MAPK8IP1: variants seen among roughly 807,000 people sequenced by gnomAD.
MAPK8IP1 encodes the protein mitogen-activated protein kinase 8 interacting protein 1, also known as C-Jun-amino-terminal kinase-interacting protein 1.
In MAPK8IP1, 17 loss-of-function variants were observed where a neutral mutation model predicts 72.6. The ratio of observed to expected loss-of-function variants is 0.23; its 90% CI spans 0.16 to 0.35. The LOEUF (loss-of-function observed/expected upper bound fraction) is 0.35, where lower values mean the gene tolerates loss of function less well. MAPK8IP1 is among the 10% of genes least tolerant of loss of function. The probability of loss-of-function intolerance (pLI) is 1.00; values close to 1 mark genes in which losing one functional copy is unlikely to be tolerated. For missense variants in MAPK8IP1, 789 were observed against 1,009.7 expected (o/e 0.78, Z 2.96); for synonymous variants, 401 against 443.4 (o/e 0.90, Z 1.20).
chr11:45,899,979 G>T (rs1311511121), intron 2 of MAPK8IP1, among the ~76,000 whole-genome samples, 159 bp from the exon 3 acceptor site: 9 of 152,088 alleles, frequency 5.9e-5, no homozygotes, highest in Non-Finnish European at 5.9e-5. Context: ...CTTCCTCGCG[G>T]CGGACGGGCG....
rs768214729 is a variant in MAPK8IP1 at position 45,902,835 on chromosome 11, G to A, written c.1068G>A (p.Leu356=). Residue 356 remains leucine (L), a synonymous_variant, in exon 5 of 12, where the codon CTG becomes CTA. Transcript: ENST00000241014. The surrounding 1 kb of genome is among the most constrained non-coding windows in gnomAD (Gnocchi z 9.3). ...CAGGCGGAGGGTGGCGGGGGAGCCTGGGGGAGCCGCCGCCACCTCCACGGG... is the reference window on the plus strand; with the variant it reads ...CAGGCGGAGGGTGGCGGGGGAGCCTAGGGGAGCCGCCGCCACCTCCACGGG... ...EPPGGGWRGS[L]GEPPPPPRAS... 3.8e-6 allele frequency: 6 copies of A among 1,582,312 alleles called. No individual in the cohort carries two copies. In the South Asian group the frequency reaches 6.8e-5, roughly 18 times the overall value.
chr11:45,886,046 G>T (rs1024517495), intron 1 of MAPK8IP1, 125 bp downstream of exon 1: 3 of 545,440 alleles, frequency 5.5e-6, no homozygotes, highest in African/African-American at 4.0e-5. Context: ...TGGGAGTGGG[G>T]TCTCTTCCCG....
rs972218108 is a variant in MAPK8IP1, at chr11:45,902,623, G to A, written c.856G>A (p.Val286Met). The A allele has an allele frequency of 1.2e-6, 2 of 1,612,954 alleles. No homozygotes were observed. Among genetic ancestry groups the A allele is most frequent in the Non-Finnish European group, 1.7e-6 (2 of 1,179,942 alleles). ...EATEEIYLTP[V>M]QRPPDAAEPT... ...CACTGAGGAGATCTACCTGACCCCA[G>A]TGCAGAGGCCCCCAGACGCTGCAGA... The change falls in exon 5 of 12, where the codon GTG (valine) becomes ATG (methionine). Residue 286 changes from valine to methionine, a missense_variant. Val to Met is a conservative substitution (Grantham distance 21). Around this residue, in one of 4 missense-constraint regions of MAPK8IP1, gnomAD observed 377 missense variants for 411.7 expected, o/e 0.92. Transcript: ENST00000241014. The surrounding 1 kb of genome is among the most constrained non-coding windows in gnomAD (Gnocchi z 9.3).
Position 45,900,166 on chromosome 11 carries a change from G to T in MAPK8IP1, c.236G>T (p.Gly79Val). The T allele has an allele frequency of 1.5e-6, 2 of 1,308,266 alleles. No homozygotes were observed. The highest frequency in any genetic ancestry group is 3.2e-5 in the East Asian group (1 of 30,840). 81.0% of individuals were successfully genotyped at this position (1,308,266 alleles called of 1,614,324 possible). A position where few individuals can be genotyped will look rare whatever the true frequency, so the allele number is the denominator to read the frequency against. Reference protein sequence around the residue: ...RPPRAGLLSAGGGGAGSRLQA... With the variant: ...RPPRAGLLSAVGGGAGSRLQA... Reference sequence around the variant, plus strand: ...CCGCGCGCCGGGCTGCTCTCTGCGGGCGGCGGCGGCGCGGGGAGCCGGTTG... The same window carrying T: ...CCGCGCGCCGGGCTGCTCTCTGCGGTCGGCGGCGGCGCGGGGAGCCGGTTG... The change falls in exon 3 of 12, where the codon GGC becomes GTC. Residue 79 changes from glycine (G) to valine (V), a missense_variant. Around this residue, in one of 4 missense-constraint regions of MAPK8IP1, gnomAD observed 112 missense variants for 111.8 expected, o/e 1.00. Transcript: ENST00000241014. The surrounding 1 kb of genome is among the most constrained non-coding windows in gnomAD (Gnocchi z 6.5).
intron 1 of MAPK8IP1, among the ~76,000 whole-genome samples, chr11:45,892,158 C>T (rs2086572128): frequency 6.6e-6 from 1 of 152,170 alleles, no homozygotes; most frequent in African/African-American, 2.4e-5. Flanking sequence ...CCAGCCCAAC[C>T]CCATGTTCAC....
Position 45,900,028 on chromosome 11 carries a change from C to G in MAPK8IP1, c.208-110C>G. 1 of 691,668 alleles carries G rather than the reference C, an allele frequency of 1.4e-6. No individual in the cohort carries two copies. Among genetic ancestry groups the G allele is most frequent in the Non-Finnish European group, 1.9e-6 (1 of 526,050 alleles). 42.8% of individuals were successfully genotyped at this position (691,668 alleles called of 1,614,324 possible). On this transcript the variant is annotated intron_variant, in intron 2 of 11. Coordinates refer to ENST00000241014, the MANE Select transcript of MAPK8IP1 (RefSeq NM_005456.4). This position sits in a 1 kb window ranked among gnomAD's most constrained non-coding sequence, Gnocchi z 6.5. Reference sequence around the variant, plus strand: ...CTCCGGCGGCCCCTGCTCGGCTCCCCTCGTGCCCCCTTCGCGCCACAGAAT... The same window carrying G: ...CTCCGGCGGCCCCTGCTCGGCTCCCGTCGTGCCCCCTTCGCGCCACAGAAT...
At chr11:45,887,175 G>A (rs2086533485) in intron 1 of MAPK8IP1, among the ~76,000 whole-genome samples, 1 of 152,190 alleles carries the variant, frequency 6.6e-6, no homozygotes, top group African/African-American at 2.4e-5. Flanking sequence ...TGCAGTGGAA[G>A]CACATGGGGC....
In MAPK8IP1 at chr11:45,903,872, G is replaced by C; in HGVS notation, c.1494-117G>C. ...GGTTAGTACTGCAACAGGCACACAG[G>C]ATGCTTTTGCAAATGTTTACTGAAA... is the stretch of plus-strand genomic sequence containing the variant. On this transcript the variant is annotated intron_variant, in intron 6 of 11. Transcript: ENST00000241014. The surrounding 1 kb of genome is among the most constrained non-coding windows in gnomAD (Gnocchi z 6.4). 1 of 951,432 alleles carries C rather than the reference G, an allele frequency of 1.1e-6. No individual in the cohort carries two copies. The highest frequency in any genetic ancestry group is 1.7e-6 in the Non-Finnish European group (1 of 590,580). 58.9% of individuals were successfully genotyped at this position (951,432 alleles called of 1,614,324 possible). A position where few individuals can be genotyped will look rare whatever the true frequency, so the allele number is the denominator to read the frequency against.
rs2086681675 is a variant in MAPK8IP1, at chr11:45,904,064, C to G, written c.1569C>G (p.Asp523Glu). ...DPLLVELQAE[D>E]YWYEAYNMRT... is the part of the protein sequence containing the mutation. The stretch of plus-strand genomic sequence containing the variant: ...TGCTAGTGGAGCTCCAGGCTGAAGA[C>G]TACTGGTACGAGGCCTACAACATGC... Residue 523 changes from aspartate to glutamate, a missense_variant, in exon 7 of 12, where the codon GAC becomes GAG. Physicochemically the swap from Asp to Glu is conservative, Grantham distance 45. Around this residue, in one of 4 missense-constraint regions of MAPK8IP1, gnomAD observed 188 missense variants for 293.3 expected, o/e 0.64. Coordinates refer to ENST00000241014, the MANE Select transcript of MAPK8IP1 (RefSeq NM_005456.4). The surrounding 1 kb of genome is among the most constrained non-coding windows in gnomAD (Gnocchi z 6.4). The G allele has an allele frequency of 6.2e-7, 1 of 1,614,052 alleles. No individual in the cohort carries two copies. The highest frequency in any genetic ancestry group is 2.2e-5 in the East Asian group (1 of 44,882).
chr11:45,898,317 G>C (rs950064279), intron 2 of MAPK8IP1, 127 bp downstream of exon 2: 10 of 670,678 alleles, frequency 1.5e-5, no homozygotes, highest in African/African-American at 1.4e-4. Context: ...ATGAAATGAT[G>C]TGCAAGAAAC....
chr11:45,900,273 G>A lies in MAPK8IP1; in HGVS notation c.343G>A (p.Glu115Lys), dbSNP rs2086640815. 3 of 1,330,678 alleles carry A rather than the reference G, an allele frequency of 2.3e-6. No homozygotes were observed. Among genetic ancestry groups the A allele is most frequent in the South Asian group, 2.0e-5 (1 of 50,786 alleles). 82.4% of individuals were successfully genotyped at this position (1,330,678 alleles called of 1,614,324 possible). ...CGAGGACGACGAGGAGGACGACGAC[G>A]AGGAGCGCGCGGCCCGGCGGCCGGG... ...GAEDDEEDDD[E>K]ERAARRPGAG... Residue 115 changes from glutamate (E) to lysine (K), a missense_variant, in exon 3 of 12, where the codon GAG (glutamate) becomes AAG (lysine). By Grantham distance (56) the Glu-to-Lys change is moderately conservative. Coordinates refer to ENST00000241014, the MANE Select transcript of MAPK8IP1 (RefSeq NM_005456.4). This position sits in a 1 kb window ranked among gnomAD's most constrained non-coding sequence, Gnocchi z 6.5.
At chr11:45,886,258 G>A (rs1332005877) in intron 1 of MAPK8IP1, among the ~76,000 whole-genome samples, 1 of 152,234 alleles carries the variant, frequency 6.6e-6, no homozygotes, top group African/African-American at 2.4e-5. Context: ...ATCCCGGAGC[G>A]GGCAGGCAGG....
At chr11:45,887,511 C>G (rs144192053) in intron 1 of MAPK8IP1, among the ~76,000 whole-genome samples, 1 of 152,302 alleles carries the variant, frequency 6.6e-6, no homozygotes, top group East Asian at 1.9e-4. Flanking sequence ...CATCTGGAGA[C>G]TACAAAAGAG....
At chr11:45,888,006 T>C (rs2086540650) in intron 1 of MAPK8IP1, among the ~76,000 whole-genome samples, 1 of 152,224 alleles carries the variant, frequency 6.6e-6, no homozygotes, top group African/African-American at 2.4e-5. Flanking sequence ...CTGGCCCTTC[T>C]TACCTGTGTG....
chr11:45,888,058 C>A (rs143143405), intron 1 of MAPK8IP1, among the ~76,000 whole-genome samples: 1 of 152,314 alleles, frequency 6.6e-6, no homozygotes, highest in Admixed American at 6.5e-5. Context: ...CTCTGAGATG[C>A]CAGCACTGGC....
At chr11:45,896,576 G>C in intron 1 of MAPK8IP1, 1 of 1,271,714 alleles carries the variant, frequency 7.9e-7, no homozygotes, top group Non-Finnish European at 1.0e-6. Context: ...TCCCGTGAGG[G>C]AGGCGGCCAC....
chr11:45,902,831 G>A lies in MAPK8IP1; in HGVS notation c.1064G>A (p.Ser355Asn), dbSNP rs776086624. 1 of 1,580,338 alleles carries A rather than the reference G, an allele frequency of 6.3e-7. No homozygotes were observed. Among genetic ancestry groups the A allele is most frequent in the South Asian group, 1.1e-5 (1 of 87,998 alleles). Residue 355 changes from serine (S) to asparagine (N), a missense_variant, in exon 5 of 12, where the codon AGC becomes AAC. Transcript: ENST00000241014. The surrounding 1 kb of genome is among the most constrained non-coding windows in gnomAD (Gnocchi z 9.3). ...CCCCCAGGCGGAGGGTGGCGGGGGA[G>A]CCTGGGGGAGCCGCCGCCACCTCCA... ...AEPPGGGWRG[S>N]LGEPPPPPRA...
rs1021398074 is a variant in MAPK8IP1 at position 45,906,268 on chromosome 11, G to A, written c.*547G>A. 18 of 344,538 alleles carry A rather than the reference G, an allele frequency of 5.2e-5. 1 individual carries two copies. The highest frequency in any genetic ancestry group is 2.9e-4 in the African/African-American group (14 of 47,626). 21.3% of individuals were successfully genotyped at this position (344,538 alleles called of 1,614,324 possible). On this transcript the variant is annotated 3_prime_UTR_variant, in exon 12 of 12. Transcript: ENST00000241014. Reference sequence around the variant, plus strand: ...CCCTGTTCTCAGCTCCGTCATCTGCGGGGCTTCTGGGTGGCTCCTGCCACT... The same window carrying A: ...CCCTGTTCTCAGCTCCGTCATCTGCAGGGCTTCTGGGTGGCTCCTGCCACT...
Position 45,905,159 on chromosome 11 carries a change from G to T in MAPK8IP1, c.1973G>T (p.Gly658Val). Residue 658 changes from glycine (G) to valine (V), a missense_variant, in exon 11 of 12, where the codon GGG (glycine) becomes GTG (valine). This residue lies in a region of MAPK8IP1 where 188 missense variants were observed against 293.3 expected (regional missense o/e 0.64). Coordinates refer to ENST00000241014, the MANE Select transcript of MAPK8IP1 (RefSeq NM_005456.4). ...CAGACCTGTCCCTGCAGGTACTTTGGGTTCATCACCAAGCACCCCGCCGAC... is the reference window on the plus strand; with the variant it reads ...CAGACCTGTCCCTGCAGGTACTTTGTGTTCATCACCAAGCACCCCGCCGAC... ...GYHPKNNKYF[G>V]FITKHPADHR... 1 of 1,613,802 alleles carries T rather than the reference G, an allele frequency of 6.2e-7. No homozygotes were observed. Among genetic ancestry groups the T allele is most frequent in the African/African-American group, 1.3e-5 (1 of 75,044 alleles).
Sources: gnomAD v4.1 joint callset for allele counts (sites outside exome capture counted in the v4.1 genomes callset) on GRCh38, gnomAD v4.1.1 for gene constraint, gnomAD v4.1.1 regional missense constraint, Gnocchi (gnomAD v3.1) non-coding constraint, MANE v1.5 for transcripts, NCBI Gene and HGNC (gene_info 2026-07-23, HGNC 2026-07-21) for gene names.